Variants in MTPAP observed in about 807,000 individuals in gnomAD.
The protein encoded by MTPAP is poly(A) RNA polymerase, mitochondrial.
In MTPAP, 23 loss-of-function variants were observed where a neutral mutation model predicts 48.7. That is an observed-to-expected ratio of 0.47 (90% CI 0.34 to 0.67). The LOEUF (loss-of-function observed/expected upper bound fraction) is 0.67, where lower values mean the gene tolerates loss of function less well. MTPAP is among the 30% of genes least tolerant of loss of function. The pLI is 0.01. For synonymous variants in MTPAP, 257 were observed against 254.1 expected, an observed-to-expected ratio of 1.01 and a Z score of -0.11; for missense variants, 614 against 694.3, an observed-to-expected ratio of 0.88 and a Z score of 1.30.
At chr10:30,337,571 T>C (rs562541450) in intron 3 of MTPAP, among the ~76,000 whole-genome samples, 1 of 152,304 alleles carries the variant, frequency 6.6e-6, no homozygotes, top group South Asian at 2.1e-4. Context: ...CTCGTCTCTA[T>C]TTCACTAAAG....
intron 5 of MTPAP, among the ~76,000 whole-genome samples, chr10:30,324,644 AT>A (rs1204301137): frequency 6.6e-6 from 1 of 152,332 alleles, no homozygotes; most frequent in East Asian, 1.9e-4. Context: ...GAACCAACAG[AT>A]GGCATAAAAA....
At position 30,349,107 on chromosome 10, in the gene MTPAP, C is replaced by G; in HGVS notation, c.157+12G>C. On this transcript the variant is annotated intron_variant, in intron 1 of 8. Transcript: ENST00000263063. ...TGTGGGACGGAACTACAGGGCAAAC[C>G]GGCGCCATCACCTGTCTCCACGCTC... 1 of 1,613,610 alleles carries G rather than the reference C, an allele frequency of 6.2e-7. No homozygotes were observed. The highest frequency in any genetic ancestry group is 8.5e-7 in the Non-Finnish European group (1 of 1,179,780).
At chr10:30,337,893 C>T (rs186778138) in intron 3 of MTPAP, among the ~76,000 whole-genome samples, 63 of 152,274 alleles carry the variant, frequency 4.1e-4, no homozygotes, top group African/African-American at 1.4e-3. Flanking sequence ...AAAATGATCA[C>T]ATACTGAAAT....
At chr10:30,317,203 A>G (rs1043881270) in intron 6 of MTPAP, among the ~76,000 whole-genome samples, 3 of 152,212 alleles carry the variant, frequency 2.0e-5, no homozygotes, top group African/African-American at 7.2e-5. Context: ...TTCCTAATCA[A>G]TTTTTGAGGT....
rs564545611 is a variant in MTPAP at position 30,340,780 on chromosome 10, G to A, written c.331-330C>T. ...CTAAAAATACAAAAATTAGCCAGGCGTGGTGGCAGGTGTCTGTAAGTCCAG... is the reference window on the plus strand; with the variant it reads ...CTAAAAATACAAAAATTAGCCAGGCATGGTGGCAGGTGTCTGTAAGTCCAG... On this transcript the variant is annotated intron_variant, in intron 2 of 8. Coordinates refer to ENST00000263063, the MANE Select transcript of MTPAP (RefSeq NM_018109.4). Among the ~76,000 whole-genome samples the A allele has an allele frequency of 6.6e-4, 101 of 152,116 alleles. No individual in the cohort carries two copies. The South Asian group carries it at 7.9e-3, about 12-fold the overall frequency.
At chr10:30,322,355 G>A in intron 6 of MTPAP, 36 bp downstream of exon 6, 1 of 1,471,704 alleles carries the variant, frequency 6.8e-7, no homozygotes, top group African/African-American at 1.4e-5. Context: ...CATAACATTG[G>A]AAAAAGAAAA....
At position 30,316,082 on chromosome 10, in the gene MTPAP, A is replaced by C. The variant is rs778470660; in HGVS notation, c.1312+36T>G. ...GACAATCAGAGGAAAGCCTGTTTCAATCCAGAAAGGATCAAGTAAACAGAA... is the reference window on the plus strand; with the variant it reads ...GACAATCAGAGGAAAGCCTGTTTCACTCCAGAAAGGATCAAGTAAACAGAA... On this transcript the variant is annotated intron_variant, in intron 7 of 8. Coordinates refer to ENST00000263063, the MANE Select transcript of MTPAP (RefSeq NM_018109.4). The C allele has an allele frequency of 3.1e-6, 5 of 1,609,172 alleles. No homozygotes were observed. The Admixed American group carries it at 6.7e-5, about 21-fold the overall frequency.
At chr10:30,347,148 T>G (rs1834883256) in intron 1 of MTPAP, among the ~76,000 whole-genome samples, 2 of 152,224 alleles carry the variant, frequency 1.3e-5, no homozygotes, top group African/African-American at 4.8e-5. Context: ...GTACTCTTAT[T>G]GTCTTTCTAC....
intron 6 of MTPAP, among the ~76,000 whole-genome samples, chr10:30,318,150 T>G (rs1467116882): frequency 6.6e-6 from 1 of 152,164 alleles, no homozygotes; most frequent in Non-Finnish European, 1.5e-5. Context: ...TGAGCCACCG[T>G]GCCCGGCCCT....
At chr10:30,320,020 G>A (rs999955323) in intron 6 of MTPAP, among the ~76,000 whole-genome samples, 1 of 152,216 alleles carries the variant, frequency 6.6e-6, no homozygotes, top group African/African-American at 2.4e-5. Context: ...CAGCACTTGG[G>A]GAGGCTGAGA....
At chr10:30,321,439 G>A (rs1397882082) in intron 6 of MTPAP, among the ~76,000 whole-genome samples, 1 of 152,078 alleles carries the variant, frequency 6.6e-6, no homozygotes, top group South Asian at 2.1e-4. Context: ...TTCTAATATG[G>A]ATAAAGGAAG....
At chr10:30,320,035 T>A (rs1412999875) in intron 6 of MTPAP, among the ~76,000 whole-genome samples, 8 of 152,178 alleles carry the variant, frequency 5.3e-5, no homozygotes, top group Non-Finnish European at 1.2e-4. Flanking sequence ...CTGAGAAGGA[T>A]CGCTTGAGCC....
chr10:30,329,987 C>T (rs528404400), intron 4 of MTPAP, among the ~76,000 whole-genome samples: 10 of 151,548 alleles, frequency 6.6e-5, no homozygotes, highest in African/African-American at 2.2e-4. Flanking sequence ...AAAAGCTTTT[C>T]TATACGCACA....
intron 8 of MTPAP, among the ~76,000 whole-genome samples, chr10:30,315,289 A>T (rs558575693): frequency 6.6e-6 from 1 of 152,328 alleles, no homozygotes; most frequent in South Asian, 2.1e-4. Context: ...AGGAGAAAGT[A>T]TATCTGGGTT....
At chr10:30,318,437 T>G (rs1840685761) in intron 6 of MTPAP, among the ~76,000 whole-genome samples, 1 of 152,248 alleles carries the variant, frequency 6.6e-6, no homozygotes, top group Non-Finnish European at 1.5e-5. Flanking sequence ...TGTTTTACTA[T>G]TTCAAGTAAT....
intron 6 of MTPAP, among the ~76,000 whole-genome samples, chr10:30,318,201 A>G (rs1217413038): frequency 6.6e-6 from 1 of 152,156 alleles, no homozygotes. Context: ...AGAGAGATAA[A>G]TAAGCCTCCT....
At chr10:30,342,104 C>T (rs181941771) in intron 1 of MTPAP, among the ~76,000 whole-genome samples, 4 of 151,952 alleles carry the variant, frequency 2.6e-5, no homozygotes, top group East Asian at 1.9e-4. Flanking sequence ...GGCATGGTGG[C>T]GCGCGCCTGT....
At chr10:30,342,788 C>G (rs1379016668) in intron 1 of MTPAP, among the ~76,000 whole-genome samples, 1 of 152,134 alleles carries the variant, frequency 6.6e-6, no homozygotes, top group East Asian at 1.9e-4. Flanking sequence ...ATCATGCGCT[C>G]TGTATCAGGG....
chr10:30,344,446 GTTATA>G (rs1181177170), intron 1 of MTPAP, among the ~76,000 whole-genome samples: 1 of 152,136 alleles, frequency 6.6e-6, no homozygotes, highest in Non-Finnish European at 1.5e-5. Context: ...AATTCATAGT[GTTATA>G]TTTATTTAAC....
Sources: allele counts gnomAD v4.1 joint callset (sites outside exome capture counted in the v4.1 genomes callset), GRCh38; gene constraint gnomAD v4.1.1; transcripts MANE v1.5; gene names NCBI Gene and HGNC (gene_info 2026-07-23, HGNC 2026-07-21).